The following CHCHD6 variants were observed in gnomAD, a reference collection of about 807,000 sequenced individuals.
The protein encoded by CHCHD6 is MICOS complex subunit MIC25.
CHCHD6 carries 28 observed loss-of-function variants against 32.3 expected under a neutral mutation model. The observed-to-expected ratio is 0.87, with a 90% CI of 0.64 to 1.19. The LOEUF is 1.19. Among genes scored for constraint, CHCHD6 ranks in the 50% most tolerant of loss-of-function variants. The pLI, the probability that CHCHD6 is intolerant of heterozygous loss-of-function variation, is 0.00. For missense variants in CHCHD6, 333 were observed against 307.0 expected, an observed-to-expected ratio of 1.08 and a Z score of -0.63; for synonymous variants, 122 against 117.5, an observed-to-expected ratio of 1.04 and a Z score of -0.25.
intron 5 of CHCHD6, among the ~76,000 whole-genome samples, chr3:126,860,218 C>T (rs756330617): frequency 7.9e-5 from 12 of 152,106 alleles, no homozygotes; most frequent in Non-Finnish European, 1.6e-4. Flanking sequence ...CTAACAATGA[C>T]CTGAAAACAA....
chr3:126,796,403 C>T (rs573446576), intron 4 of CHCHD6, among the ~76,000 whole-genome samples: 2 of 152,274 alleles, frequency 1.3e-5, no homozygotes, highest in South Asian at 4.2e-4. Flanking sequence ...AATGAAGGTT[C>T]TTTTCCCCCC....
intron 6 of CHCHD6, among the ~76,000 whole-genome samples, chr3:126,955,923 G>A (rs1005842948): frequency 3.3e-5 from 5 of 152,318 alleles, no homozygotes; most frequent in South Asian, 2.1e-4. Flanking sequence ...TGACATGGAC[G>A]AGAAGGGAAG....
At chr3:126,744,629 G>C (rs1936417382) in intron 4 of CHCHD6, among the ~76,000 whole-genome samples, 1 of 152,186 alleles carries the variant, frequency 6.6e-6, no homozygotes, top group Non-Finnish European at 1.5e-5. Flanking sequence ...GACACCAGGG[G>C]CAGCCATCCC....
intron 4 of CHCHD6, among the ~76,000 whole-genome samples, chr3:126,741,274 C>T (rs940625434): frequency 2.6e-5 from 4 of 152,186 alleles, no homozygotes; most frequent in East Asian, 1.9e-4. Flanking sequence ...TTTACTCTTC[C>T]TCCTTCACTT....
chr3:126,857,544 C>A (rs1462314108), intron 5 of CHCHD6, among the ~76,000 whole-genome samples: 1 of 152,198 alleles, frequency 6.6e-6, no homozygotes, highest in Non-Finnish European at 1.5e-5. Context: ...TGTTTTCTCA[C>A]TGACACCGCT....
chr3:126,799,186 G>A (rs968402828), intron 4 of CHCHD6, among the ~76,000 whole-genome samples: 1 of 152,170 alleles, frequency 6.6e-6, no homozygotes, highest in Non-Finnish European at 1.5e-5. Context: ...CAGGAACTTG[G>A]TGGGGACTGA....
At position 126,819,757 on chromosome 3, in the gene CHCHD6, G is replaced by A. The variant is rs77218130; in HGVS notation, c.412-32890G>A. 3.3e-3 allele frequency among the ~76,000 whole-genome samples: 505 copies of A among 152,340 alleles called. 5 individuals are homozygous for A. The highest frequency in any genetic ancestry group is 0.011 in the African/African-American group (471 of 41,578). ...GCTTTTGATGGTATGCACACAGCGG[G>A]GATTGGACCTACAAGCCCTGGAGTC... On this transcript the variant is annotated intron_variant, in intron 4 of 7. Transcript: ENST00000290913.
At chr3:126,721,915 T>G (rs186596377) in intron 1 of CHCHD6, among the ~76,000 whole-genome samples, 3 of 152,172 alleles carry the variant, frequency 2.0e-5, no homozygotes, top group South Asian at 2.1e-4. Flanking sequence ...TGTTATAATG[T>G]GTCAGTAGTT....
At chr3:126,863,442 C>G (rs1338658184) in intron 5 of CHCHD6, among the ~76,000 whole-genome samples, 1 of 144,826 alleles carries the variant, frequency 6.9e-6, no homozygotes, top group East Asian at 2.2e-4. Flanking sequence ...CCACCATCAC[C>G]TCCTCCTCCC....
chr3:126,766,768 GC>G (rs775423230), intron 4 of CHCHD6: 14 of 1,140,734 alleles, frequency 1.2e-5, no homozygotes, highest in Non-Finnish European at 1.7e-5. Flanking sequence ...GGTGTTGGTG[GC>G]CCCCTGGAAA....
At chr3:126,953,504 C>A (rs1461074945) in intron 6 of CHCHD6, among the ~76,000 whole-genome samples, 1 of 152,218 alleles carries the variant, frequency 6.6e-6, no homozygotes, top group Non-Finnish European at 1.5e-5. Context: ...TCTGCAAGCT[C>A]ACCCCACTCC....
At chr3:126,772,709 T>C (rs1937565973) in intron 4 of CHCHD6, among the ~76,000 whole-genome samples, 1 of 152,236 alleles carries the variant, frequency 6.6e-6, no homozygotes, top group African/African-American at 2.4e-5. Context: ...TGCCTTTCAA[T>C]GGGGTATTTA....
intron 2 of CHCHD6, among the ~76,000 whole-genome samples, chr3:126,727,389 C>T (rs551090328): frequency 1.3e-5 from 2 of 152,328 alleles, no homozygotes; most frequent in African/African-American, 2.4e-5. Context: ...GGATTCGGGT[C>T]GGACCACCTT....
intron 1 of CHCHD6, among the ~76,000 whole-genome samples, chr3:126,719,116 G>C (rs1935157523): frequency 6.6e-6 from 1 of 152,112 alleles, no homozygotes; most frequent in South Asian, 2.1e-4. Context: ...CTTTACCCTG[G>C]TTGGCCAGGG....
intron 4 of CHCHD6, among the ~76,000 whole-genome samples, chr3:126,800,237 G>A (rs1938999560): frequency 6.6e-6 from 1 of 152,190 alleles, no homozygotes; most frequent in African/African-American, 2.4e-5. Flanking sequence ...CATCTGGGCT[G>A]TGTGCTATAG....
intron 1 of CHCHD6, among the ~76,000 whole-genome samples, chr3:126,721,960 A>G (rs760322318): frequency 6.6e-6 from 1 of 152,140 alleles, no homozygotes; most frequent in Non-Finnish European, 1.5e-5. Flanking sequence ...ACTCCATTGT[A>G]TAGATATACT....
intron 4 of CHCHD6, among the ~76,000 whole-genome samples, chr3:126,741,124 G>A (rs1166655804): frequency 2.0e-5 from 3 of 152,206 alleles, no homozygotes; most frequent in South Asian, 4.1e-4. Flanking sequence ...CTAGAGTGGT[G>A]TATTGGACAA....
At chr3:126,960,062 G>T (rs1046620862) in intron 7 of CHCHD6, 134 bp from the exon 8 acceptor site, 1 of 1,000,536 alleles carries the variant, frequency 1.0e-6, no homozygotes. Flanking sequence ...TCACTGATGG[G>T]TCTCCAGGTG....
chr3:126,828,378 C>T (rs1940498109), intron 4 of CHCHD6, among the ~76,000 whole-genome samples: 1 of 152,204 alleles, frequency 6.6e-6, no homozygotes, highest in South Asian at 2.1e-4. Flanking sequence ...ACTGGGGATG[C>T]CCAGGCCTCC....
Sources: allele counts gnomAD v4.1 joint callset (sites outside exome capture counted in the v4.1 genomes callset), GRCh38; gene constraint gnomAD v4.1.1; transcripts MANE v1.5; gene names NCBI Gene and HGNC (gene_info 2026-07-23, HGNC 2026-07-21).